Variants in FHIT observed in about 807,000 individuals in gnomAD.
FHIT encodes bis(5'-adenosyl)-triphosphatase.
Under a neutral mutation model 17.9 loss-of-function variants are expected in FHIT, and 19 were observed. The ratio of observed to expected loss-of-function variants is 1.06; its 90% confidence interval spans 0.74 to 1.56. The LOEUF is 1.56. FHIT is among the 40% of genes most tolerant of loss of function. The probability of loss-of-function intolerance (pLI) is 0.00; values close to 1 mark genes in which losing one functional copy is unlikely to be tolerated. For missense variants in FHIT, 248 were observed against 189.2 expected, an observed-to-expected ratio of 1.31 and a Z score of -1.82; for synonymous variants, 81 against 69.7, an observed-to-expected ratio of 1.16 and a Z score of -0.81.
chr3:60,165,799 G>C lies in FHIT; in HGVS notation c.104-151647C>G, dbSNP rs765765680. Among the ~76,000 whole-genome samples, 25 of 152,108 alleles carry C rather than the reference G, an allele frequency of 1.6e-4. 1 individual carries two copies. The highest frequency in any genetic ancestry group is 1.5e-5 in the Non-Finnish European group (1 of 68,026). Reference sequence around the variant, plus strand: ...TGGTAGAAGCAAACAATACAGAAGAGTATAACGGGAAAAATACAGGTCCCA... The same window carrying C: ...TGGTAGAAGCAAACAATACAGAAGACTATAACGGGAAAAATACAGGTCCCA... On this transcript the variant is annotated intron_variant, in intron 5 of 9. Coordinates refer to ENST00000492590, the MANE Select transcript of FHIT (RefSeq NM_002012.4).
intron 4 of FHIT, among the ~76,000 whole-genome samples, chr3:60,577,170 G>A (rs2037598200): frequency 6.6e-6 from 1 of 152,072 alleles, no homozygotes; most frequent in Non-Finnish European, 1.5e-5. Context: ...ATAAACATGA[G>A]GTTTGGTACT....
intron 5 of FHIT, among the ~76,000 whole-genome samples, chr3:60,382,688 G>A (rs1163153573): frequency 6.6e-6 from 1 of 152,124 alleles, no homozygotes; most frequent in African/African-American, 2.4e-5. Flanking sequence ...TCTAATCAGA[G>A]GTTTTTTTAC....
intron 4 of FHIT, among the ~76,000 whole-genome samples, chr3:60,720,718 C>G (rs1375862903): frequency 6.6e-6 from 1 of 152,124 alleles, no homozygotes; most frequent in Non-Finnish European, 1.5e-5. Context: ...CAAAGTGTGA[C>G]TGCTTTACTC....
rs529497280 is a variant in FHIT, at chr3:59,885,435, C to G, written c.348+36911G>C. ...AGGGCTTCTAGAAAGTACATGCTACCTGATGCTTTTTTTTTTTTTTTTTAA... is the reference window on the plus strand; with the variant it reads ...AGGGCTTCTAGAAAGTACATGCTACGTGATGCTTTTTTTTTTTTTTTTTAA... On this transcript the variant is annotated intron_variant, in intron 8 of 9. Coordinates refer to ENST00000492590, the MANE Select transcript of FHIT (RefSeq NM_002012.4). Among the ~76,000 whole-genome samples, 4 of 148,474 alleles carry G rather than the reference C, an allele frequency of 2.7e-5. No individual in the cohort carries two copies. In the South Asian group the frequency reaches 6.3e-4, roughly 23 times the overall value.
chr3:60,446,988 C>T (rs1382686626), intron 5 of FHIT, among the ~76,000 whole-genome samples: 1 of 151,886 alleles, frequency 6.6e-6, no homozygotes, highest in Non-Finnish European at 1.5e-5. Flanking sequence ...TTGGCAGACC[C>T]AAACTTCTAT....
chr3:60,988,123 T>G (rs1233288447), intron 3 of FHIT, among the ~76,000 whole-genome samples: 1 of 152,256 alleles, frequency 6.6e-6, no homozygotes, highest in Non-Finnish European at 1.5e-5. Context: ...ATCAGATGTT[T>G]GTTGGTTGAG....
intron 5 of FHIT, among the ~76,000 whole-genome samples, chr3:60,179,458 G>GT (rs1454991600): frequency 5.9e-5 from 9 of 152,148 alleles, no homozygotes; most frequent in African/African-American, 2.2e-4. Flanking sequence ...TGTCTGCTTA[G>GT]TATAATGAAA....
chr3:61,213,419 G>A lies in FHIT; in HGVS notation c.-212-12754C>T, dbSNP rs375570228. ...CAAAAGAGAGAAAGAAGGCCATTAC[G>A]TAATGGTAAAGGGATCAATTCAACA... is the stretch of plus-strand genomic sequence containing the variant. On this transcript the variant is annotated intron_variant, in intron 1 of 9. Transcript: ENST00000492590. Among the ~76,000 whole-genome samples, 14 of 152,264 alleles carry A rather than the reference G, an allele frequency of 9.2e-5. No homozygotes were observed. The East Asian group carries it at 9.6e-4, about 10-fold the overall frequency.
intron 3 of FHIT, among the ~76,000 whole-genome samples, chr3:61,022,751 T>G (rs961259137): frequency 1.3e-5 from 2 of 152,128 alleles, no homozygotes; most frequent in African/African-American, 4.8e-5. Flanking sequence ...AACCACATGA[T>G]TAACTCAATA....
At chr3:60,175,202 T>C (rs1701614129) in intron 5 of FHIT, among the ~76,000 whole-genome samples, 1 of 152,182 alleles carries the variant, frequency 6.6e-6, no homozygotes, top group East Asian at 1.9e-4. Context: ...AAAATGAAGC[T>C]TTAGAATCTA....
chr3:59,867,551 G>T (rs1005768779), intron 8 of FHIT, among the ~76,000 whole-genome samples: 2 of 151,964 alleles, frequency 1.3e-5, no homozygotes, highest in Non-Finnish European at 1.5e-5. Flanking sequence ...TTGCATTTAT[G>T]CATTTTGCTT....
At chr3:60,486,555 A>G (rs571708437) in intron 5 of FHIT, among the ~76,000 whole-genome samples, 3 of 152,172 alleles carry the variant, frequency 2.0e-5, no homozygotes, top group Admixed American at 6.6e-5. Flanking sequence ...ATTGCATACC[A>G]TCAGTTCTTT....
At chr3:60,183,650 C>T (rs1702036701) in intron 5 of FHIT, among the ~76,000 whole-genome samples, 1 of 151,990 alleles carries the variant, frequency 6.6e-6, no homozygotes, top group Admixed American at 6.6e-5. Flanking sequence ...TTGACAATGC[C>T]AAGTCAATCA....
chr3:60,408,122 G>C (rs1446191082), intron 5 of FHIT, among the ~76,000 whole-genome samples: 1 of 152,178 alleles, frequency 6.6e-6, no homozygotes, highest in Non-Finnish European at 1.5e-5. Flanking sequence ...GTTTATATGT[G>C]TGTAACACAC....
At chr3:61,118,446 T>TA (rs895890881) in intron 2 of FHIT, among the ~76,000 whole-genome samples, 7 of 152,160 alleles carry the variant, frequency 4.6e-5, no homozygotes, top group African/African-American at 1.4e-4. Flanking sequence ...GTCTAGAATT[T>TA]AAACTTAGAT....
intron 4 of FHIT, among the ~76,000 whole-genome samples, chr3:60,664,557 A>T (rs1577044826): frequency 1.3e-5 from 2 of 150,258 alleles, no homozygotes; most frequent in East Asian, 1.9e-4. Flanking sequence ...AATTGGCATT[A>T]TTTTTTTTTA....
chr3:60,174,949 C>T (rs545230614), intron 5 of FHIT, among the ~76,000 whole-genome samples: 3 of 152,072 alleles, frequency 2.0e-5, no homozygotes, highest in Non-Finnish European at 2.9e-5. Flanking sequence ...GTGCCTGGCA[C>T]GTAGTGAATT....
At chr3:60,849,894 C>T (rs964603809) in intron 3 of FHIT, among the ~76,000 whole-genome samples, 2 of 152,024 alleles carry the variant, frequency 1.3e-5, no homozygotes, top group Non-Finnish European at 2.9e-5. Flanking sequence ...ATACAATAAA[C>T]GTGACTTCCC....
At chr3:59,827,199 A>C (rs1203686840) in intron 8 of FHIT, among the ~76,000 whole-genome samples, 1 of 152,128 alleles carries the variant, frequency 6.6e-6, no homozygotes, top group Non-Finnish European at 1.5e-5. Flanking sequence ...CCTTCCTCAC[A>C]TTTTAGCAAA....
Sources: allele counts gnomAD v4.1 joint callset (sites outside exome capture counted in the v4.1 genomes callset), GRCh38; gene constraint gnomAD v4.1.1; transcripts MANE v1.5; gene names NCBI Gene and HGNC (gene_info 2026-07-23, HGNC 2026-07-21).